Variants in KIF18A observed in about 807,000 individuals in gnomAD.
KIF18A encodes kinesin-like protein KIF18A.
A neutral mutation model predicts 103.3 loss-of-function variants in KIF18A; 67 were observed. That is an observed-to-expected ratio of 0.65 (90% confidence interval 0.53 to 0.79). The LOEUF is 0.79. Ranked by LOEUF, KIF18A falls within the 30% of genes least tolerant of loss-of-function variation. The probability of loss-of-function intolerance (pLI) is 0.00; values close to 1 mark genes in which losing one functional copy is unlikely to be tolerated. For synonymous variants in KIF18A, 367 were observed against 355.5 expected, an observed-to-expected ratio of 1.03 and a Z score of -0.36; for missense variants, 1,032 against 1,062.5, an observed-to-expected ratio of 0.97 and a Z score of 0.40.
chr11:28,067,274 C>T (rs1329650028), intron 11 of KIF18A, among the ~76,000 whole-genome samples: 1 of 152,082 alleles, frequency 6.6e-6, no homozygotes, highest in Non-Finnish European at 1.5e-5. Flanking sequence ...ATCTACTTAA[C>T]TAACTGACTG....
chr11:28,063,485 G>GT lies in KIF18A; in HGVS notation c.1591-970dup, dbSNP rs1231913970. 4.0e-5 allele frequency among the ~76,000 whole-genome samples: 6 copies of GT among 151,856 alleles called. No individual in the cohort carries two copies. The South Asian group carries it at 8.3e-4, about 21-fold the overall frequency. On this transcript the variant is annotated intron_variant, in intron 11 of 16. Transcript: ENST00000263181. ...CCATCCTAGGCAAAAGTGTGAAAAT[G>GT]TTTTTTTGCAGGCTCCATTTTCCTA...
At chr11:28,097,311 C>T (rs1590712417) in intron 2 of KIF18A, 1 of 227,130 alleles carries the variant, frequency 4.4e-6, no homozygotes, top group East Asian at 1.1e-4. Flanking sequence ...GTTATAAATA[C>T]AGGTTATGAG....
At chr11:28,106,765 G>A (rs1851520302) in intron 1 of KIF18A, among the ~76,000 whole-genome samples, 3 of 152,108 alleles carry the variant, frequency 2.0e-5, no homozygotes, top group African/African-American at 7.2e-5. Context: ...GAGGTCAGGA[G>A]TTCGAGACCA....
intron 15 of KIF18A, among the ~76,000 whole-genome samples, chr11:28,029,376 T>G (rs1850365261): frequency 6.6e-6 from 1 of 152,144 alleles, no homozygotes; most frequent in East Asian, 1.9e-4. Flanking sequence ...TGGTTCAATA[T>G]ACGCAAATCA....
In KIF18A at chr11:28,091,470, G is replaced by C. The variant is rs149206323; in HGVS notation, c.527C>G (p.Pro176Arg). Residue 176 changes from proline (P) to arginine (R), a missense_variant, in exon 4 of 17, where the codon CCA becomes CGA. Transcript: ENST00000263181. Reference sequence around the variant, plus strand: ...TTGGGTATCTTCCCGGACAGCAAGTGGCCCTGAATTTACTAAGAGATCACG... The same window carrying C: ...TTGGGTATCTTCCCGGACAGCAAGTCGCCCTGAATTTACTAAGAGATCACG... Reference protein sequence around the residue: ...QIRDLLVNSGPLAVREDTQKG... With the variant: ...QIRDLLVNSGRLAVREDTQKG... 1.2e-6 allele frequency: 2 copies of C among 1,610,940 alleles called. No homozygotes were observed. Among genetic ancestry groups the C allele is most frequent in the East Asian group, 4.5e-5 (2 of 44,764 alleles).
intron 11 of KIF18A, among the ~76,000 whole-genome samples, chr11:28,068,186 C>T (rs536731045): frequency 6.6e-6 from 1 of 152,194 alleles, no homozygotes; most frequent in African/African-American, 2.4e-5. Flanking sequence ...AAACTAAACA[C>T]TGCACGTTCT....
intron 11 of KIF18A, among the ~76,000 whole-genome samples, chr11:28,067,769 T>C (rs1850953432): frequency 1.3e-5 from 2 of 152,160 alleles, no homozygotes; most frequent in African/African-American, 4.8e-5. Flanking sequence ...ATTTTTTCTT[T>C]TAGAAAAAGA....
chr11:28,072,075 C>T (rs558496145), intron 10 of KIF18A, among the ~76,000 whole-genome samples: 18 of 152,226 alleles, frequency 1.2e-4, no homozygotes, highest in Admixed American at 1.2e-3. Flanking sequence ...TACCACCACC[C>T]ATTGCTCTAA....
intron 10 of KIF18A, 64 bp downstream of exon 10, chr11:28,076,943 A>G (rs1851100725): frequency 3.6e-6 from 3 of 839,762 alleles, no homozygotes; most frequent in Non-Finnish European, 5.0e-6. Context: ...CTGAAAAAAA[A>G]AAAAAAAAAA....
intron 11 of KIF18A, among the ~76,000 whole-genome samples, chr11:28,068,433 T>TAA (rs201902657): frequency 2.0e-5 from 2 of 97,802 alleles, no homozygotes; most frequent in Non-Finnish European, 4.2e-5. Context: ...AACTTAAAGT[T>TAA]AAAAAAAAAA....
chr11:28,094,517 T>A (rs1050180893), intron 3 of KIF18A, 126 bp downstream of exon 3: 11 of 749,840 alleles, frequency 1.5e-5, no homozygotes, highest in Non-Finnish European at 2.3e-5. Context: ...GCATAACAAA[T>A]ATTCAAGACA....
At chr11:28,049,508 G>A (rs1016285295) in intron 13 of KIF18A, among the ~76,000 whole-genome samples, 2 of 151,952 alleles carry the variant, frequency 1.3e-5, no homozygotes, top group African/African-American at 4.8e-5. Context: ...GGAAGAATGC[G>A]GTATTTAGCA....
At chr11:28,090,503 A>G in intron 5 of KIF18A, 114 bp downstream of exon 5, 1 of 614,538 alleles carries the variant, frequency 1.6e-6, no homozygotes, top group South Asian at 2.4e-5. Flanking sequence ...GAAAGTACTG[A>G]CAAGTGAAGT....
At chr11:28,091,563 T>G (rs1046912342) in intron 3 of KIF18A, 50 bp from the exon 4 acceptor site, 1 of 921,538 alleles carries the variant, frequency 1.1e-6, no homozygotes. Flanking sequence ...AAAAAAATGG[T>G]GATTACATCA....
chr11:28,105,061 C>T (rs1024541958), intron 1 of KIF18A, among the ~76,000 whole-genome samples: 1 of 151,772 alleles, frequency 6.6e-6, no homozygotes, highest in Non-Finnish European at 1.5e-5. Context: ...TTAAAATTTA[C>T]CTTAATCGCA....
At chr11:28,035,362 C>T (rs1850471150) in intron 15 of KIF18A, 25 bp downstream of exon 15, 3 of 1,369,278 alleles carry the variant, frequency 2.2e-6, no homozygotes, top group African/African-American at 1.4e-5. Context: ...ACTACAGAAC[C>T]AAACCAGTTT....
intron 10 of KIF18A, among the ~76,000 whole-genome samples, chr11:28,072,248 C>G (rs1851026280): frequency 1.3e-5 from 2 of 152,156 alleles, no homozygotes. Flanking sequence ...CATAATTCTA[C>G]AATTTTAGTT....
At chr11:28,035,950 C>T (rs1254370784) in intron 14 of KIF18A, among the ~76,000 whole-genome samples, 1 of 151,440 alleles carries the variant, frequency 6.6e-6, no homozygotes, top group Non-Finnish European at 1.5e-5. Context: ...GTATAATCCA[C>T]CTTCAGAGTA....
At chr11:28,044,846 C>T (rs1590672558) in intron 13 of KIF18A, among the ~76,000 whole-genome samples, 1 of 151,976 alleles carries the variant, frequency 6.6e-6, no homozygotes. Context: ...AGTATATTAA[C>T]ATTAGTATTA....
Sources: gnomAD v4.1 joint callset for allele counts (sites outside exome capture counted in the v4.1 genomes callset) on GRCh38, gnomAD v4.1.1 for gene constraint, MANE v1.5 for transcripts, NCBI Gene and HGNC (gene_info 2026-07-23, HGNC 2026-07-21) for gene names.